Variants in RAD23B observed in about 807,000 individuals in gnomAD.
The protein encoded by RAD23B is lysine-specific demethylase RAD23B.
RAD23B carries 5 observed loss-of-function variants against 49.1 expected under a neutral mutation model. The observed-to-expected ratio is 0.10, with a 90% confidence interval of 0.05 to 0.21. The LOEUF is 0.21. RAD23B is among the 10% of genes least tolerant of loss of function. RAD23B has a pLI of 1.00. For missense variants in RAD23B, 356 were observed against 486.7 expected, an observed-to-expected ratio of 0.73 and a Z score of 2.53; for synonymous variants, 184 against 165.4, an observed-to-expected ratio of 1.11 and a Z score of -0.86.
Position 107,313,621 on chromosome 9 carries a change from A to G in RAD23B, c.553+1884A>G, listed in dbSNP as rs116728479. Among the ~76,000 whole-genome samples, 671 of 152,350 alleles carry G rather than the reference A, an allele frequency of 4.4e-3. 8 individuals carry two copies. Among genetic ancestry groups the G allele is most frequent in the African/African-American group, 0.015 (627 of 41,576 alleles). ...AAAGTTTAAATTATGGGAATGACCA[A>G]TACCATCCATATACTATATAGATTC... On this transcript the variant is annotated intron_variant, in intron 5 of 9. Coordinates refer to ENST00000358015, the MANE Select transcript of RAD23B (RefSeq NM_002874.5).
At chr9:107,305,230 G>C (rs1024889024) in intron 3 of RAD23B, among the ~76,000 whole-genome samples, 2 of 152,222 alleles carry the variant, frequency 1.3e-5, no homozygotes, top group Non-Finnish European at 2.9e-5. Flanking sequence ...GGAGCCTTGG[G>C]AGGTTGAGGC....
intron 1 of RAD23B, among the ~76,000 whole-genome samples, chr9:107,284,492 A>G (rs146063279): frequency 1.3e-5 from 2 of 152,272 alleles, no homozygotes; most frequent in East Asian, 3.9e-4. Context: ...GAAAAAAGAA[A>G]AAAAAAACAA....
rs76470414 is a variant in RAD23B at position 107,298,306 on chromosome 9, C to T, written c.67-1835C>T. Among the ~76,000 whole-genome samples, 364 of 151,728 alleles carry T rather than the reference C, an allele frequency of 2.4e-3. 3 individuals carry two copies. The highest frequency in any genetic ancestry group is 8.4e-3 in the African/African-American group (349 of 41,382). The stretch of plus-strand genomic sequence containing the variant: ...AAAATAACTTTTGTCGATATGCTTA[C>T]GTTTTATTTTATTTATTTATTTTTT... On this transcript the variant is annotated intron_variant, in intron 1 of 9. Transcript: ENST00000358015.
At chr9:107,325,060 A>T in intron 9 of RAD23B, 56 bp downstream of exon 9, 2 of 1,529,432 alleles carry the variant, frequency 1.3e-6, no homozygotes, top group Non-Finnish European at 1.8e-6. Flanking sequence ...CATGCCTGTA[A>T]TTCCAGCACT....
At position 107,331,656 on chromosome 9, in the gene RAD23B, T is replaced by A. The variant is rs1367853796; in HGVS notation, c.*2000T>A. The stretch of plus-strand genomic sequence containing the variant: ...TACTCTCATTTATTTTATGACATTC[T>A]CTGTCTACTCAGATCATAGTGAAAA... On this transcript the variant is annotated 3_prime_UTR_variant, in exon 10 of 10. Coordinates refer to ENST00000358015, the MANE Select transcript of RAD23B (RefSeq NM_002874.5). 2.6e-6 allele frequency: 2 copies of A among 770,410 alleles called. No individual in the cohort carries two copies. The allele number at this position is 770,410 out of a possible 1,614,324, so 47.7% of individuals were successfully genotyped here.
At chr9:107,328,344 G>A (rs1827247265) in intron 9 of RAD23B, among the ~76,000 whole-genome samples, 1 of 152,168 alleles carries the variant, frequency 6.6e-6, no homozygotes, top group Non-Finnish European at 1.5e-5. Context: ...CATAGGTGGG[G>A]TGGGCGCAGT....
At chr9:107,298,609 G>A (rs1336586269) in intron 1 of RAD23B, among the ~76,000 whole-genome samples, 1 of 149,988 alleles carries the variant, frequency 6.7e-6, no homozygotes, top group Non-Finnish European at 1.5e-5. Flanking sequence ...GGGATTACAG[G>A]CATCAGCCAC....
At chr9:107,316,157 G>A (rs533591956) in intron 5 of RAD23B, among the ~76,000 whole-genome samples, 15 of 151,812 alleles carry the variant, frequency 9.9e-5, no homozygotes, top group Non-Finnish European at 1.8e-4. Flanking sequence ...CTACAGGCAC[G>A]TGCCACCATG....
chr9:107,312,094 T>G (rs1342513530), intron 5 of RAD23B, among the ~76,000 whole-genome samples: 2 of 152,248 alleles, frequency 1.3e-5, no homozygotes, highest in Non-Finnish European at 2.9e-5. Context: ...ACACTTCATG[T>G]GTATTCACCA....
At chr9:107,295,524 G>C (rs1826494001) in intron 1 of RAD23B, among the ~76,000 whole-genome samples, 1 of 152,194 alleles carries the variant, frequency 6.6e-6, no homozygotes, top group African/African-American at 2.4e-5. Context: ...GTTAGACAAA[G>C]ATGAAAATAA....
In RAD23B at chr9:107,327,431, C is replaced by T. The variant is rs558455456; in HGVS notation, c.1117-2112C>T. ...CTATAATATTCCTTCTGCGTTTATGCTATAGTAGCATCCCATAAGTTTTAG... is the reference window on the plus strand; with the variant it reads ...CTATAATATTCCTTCTGCGTTTATGTTATAGTAGCATCCCATAAGTTTTAG... On this transcript the variant is annotated intron_variant, in intron 9 of 9. Transcript: ENST00000358015. Among the ~76,000 whole-genome samples the T allele has an allele frequency of 2.6e-5, 4 of 152,210 alleles. No individual in the cohort carries two copies. In the South Asian group the frequency reaches 8.3e-4, roughly 32 times the overall value.
At chr9:107,297,030 T>A (rs1826540866) in intron 1 of RAD23B, among the ~76,000 whole-genome samples, 1 of 151,794 alleles carries the variant, frequency 6.6e-6, no homozygotes, top group Non-Finnish European at 1.5e-5. Flanking sequence ...AATTTTTTTA[T>A]TTCAGTAGAG....
At chr9:107,302,260 T>TGGCCGGGCGCGGTGGCTC in intron 3 of RAD23B, 146 bp downstream of exon 3, 1 of 1,098,240 alleles carries the variant, frequency 9.1e-7, no homozygotes, top group Non-Finnish European at 1.2e-6. Flanking sequence ...GAATTTACCT[T>TGGCCGGGCGCGGTGGCTC]AAGTGAAACA....
intron 1 of RAD23B, among the ~76,000 whole-genome samples, chr9:107,295,675 A>T (rs1163826264): frequency 6.6e-6 from 1 of 152,130 alleles, no homozygotes; most frequent in Non-Finnish European, 1.5e-5. Context: ...AACTAGGGGG[A>T]ACAGAAGATT....
chr9:107,331,822 A>G lies in RAD23B; in HGVS notation c.*2166A>G, dbSNP rs1827315235. ...GCTCAGGCCAAGTTTTGATCGTTCCATACAGTACCTTGTTTATCTGCTTCT... is the reference window on the plus strand; with the variant it reads ...GCTCAGGCCAAGTTTTGATCGTTCCGTACAGTACCTTGTTTATCTGCTTCT... On this transcript the variant is annotated 3_prime_UTR_variant, in exon 10 of 10. Coordinates refer to ENST00000358015, the MANE Select transcript of RAD23B (RefSeq NM_002874.5). 1 of 696,370 alleles carries G rather than the reference A, an allele frequency of 1.4e-6. No individual in the cohort carries two copies. Among genetic ancestry groups the G allele is most frequent in the African/African-American group, 1.8e-5 (1 of 56,242 alleles). The allele number at this position is 696,370 out of a possible 1,614,324, so 43.1% of individuals were successfully genotyped here.
chr9:107,313,904 C>T (rs780331155), intron 5 of RAD23B, among the ~76,000 whole-genome samples: 4 of 151,744 alleles, frequency 2.6e-5, no homozygotes, highest in Admixed American at 2.0e-4. Flanking sequence ...CTCCTTTCTC[C>T]TTTCCTTTCT....
chr9:107,318,337 A>C lies in RAD23B; in HGVS notation c.554-415A>C, dbSNP rs1414698604. ...AGCCCCTTTCTGCATCTTCAAAGGC[A>C]ACAGCATAACATCTCTCATCCTGGT... is the stretch of plus-strand genomic sequence containing the variant. On this transcript the variant is annotated intron_variant, in intron 5 of 9. Transcript: ENST00000358015. This position sits in a 1 kb window ranked among gnomAD's most constrained non-coding sequence, Gnocchi z 4.3. Among the ~76,000 whole-genome samples the C allele has an allele frequency of 4.6e-5, 7 of 152,130 alleles. No homozygotes were observed. The highest frequency in any genetic ancestry group is 2.9e-5 in the Non-Finnish European group (2 of 68,024).
intron 2 of RAD23B, among the ~76,000 whole-genome samples, chr9:107,301,486 T>G (rs1372587799): frequency 1.3e-5 from 2 of 152,208 alleles, no homozygotes; most frequent in Non-Finnish European, 2.9e-5. Context: ...AAATTGATTG[T>G]CATTCTATAT....
Position 107,329,707 on chromosome 9 carries a change from G to T in RAD23B, c.*51G>T. On this transcript the variant is annotated 3_prime_UTR_variant, in exon 10 of 10. Transcript: ENST00000358015. ...TCACACCAGTGCATTACACTAACTT[G>T]TTCACTGGATTGTCTGGGATGACTT... The T allele has an allele frequency of 2.8e-6, 3 of 1,065,272 alleles. No individual in the cohort carries two copies. The highest frequency in any genetic ancestry group is 2.0e-5 in the Admixed American group (1 of 50,882). 66.0% of individuals were successfully genotyped at this position (1,065,272 alleles called of 1,614,324 possible). A position where few individuals can be genotyped will look rare whatever the true frequency, so the allele number is the denominator to read the frequency against.
Sources: gnomAD v4.1 joint callset for allele counts (sites outside exome capture counted in the v4.1 genomes callset) on GRCh38, gnomAD v4.1.1 for gene constraint, Gnocchi (gnomAD v3.1) non-coding constraint, MANE v1.5 for transcripts, NCBI Gene and HGNC (gene_info 2026-07-23, HGNC 2026-07-21) for gene names.